TRAF7: variants seen among roughly 807,000 people sequenced by gnomAD.
The protein encoded by TRAF7 is E3 ubiquitin-protein ligase TRAF7.
In TRAF7, 45 loss-of-function variants were observed where a neutral mutation model predicts 89.3. The observed-to-expected ratio is 0.50, with a 90% CI of 0.40 to 0.65. TRAF7 has a LOEUF of 0.65. TRAF7 is among the 30% of genes least tolerant of loss of function. TRAF7 has a pLI of 0.00. For synonymous variants in TRAF7, 406 were observed against 369.2 expected, an observed-to-expected ratio of 1.10 and a Z score of -1.14; for missense variants, 677 against 918.1, an observed-to-expected ratio of 0.74 and a Z score of 3.39.
chr16:2,175,458 G>A lies in TRAF7; in HGVS notation c.1503+41G>A, dbSNP rs756726938. 2.2e-5 allele frequency: 35 copies of A among 1,612,170 alleles called. No homozygotes were observed. The Admixed American group carries it at 2.8e-4, about 13-fold the overall frequency. On this transcript the variant is annotated intron_variant, in intron 16 of 20. Transcript: ENST00000326181. ...GTGCCTACGTGTGTGTCACTGAGGC[G>A]TCCCTTGCCCGCCCAGCCCACAGTT...
intron 1 of TRAF7, 54 bp downstream of exon 1, chr16:2,155,912 G>A (rs2093031309): frequency 6.7e-6 from 1 of 150,166 alleles, no homozygotes; most frequent in African/African-American, 2.4e-5. Flanking sequence ...GGACCGCGCG[G>A]TGGGGCGGGA....
chr16:2,157,442 A>G (rs2093039769), intron 1 of TRAF7, among the ~76,000 whole-genome samples: 1 of 151,796 alleles, frequency 6.6e-6, no homozygotes, highest in African/African-American at 2.4e-5. Flanking sequence ...GGAAAAGTTC[A>G]GGGTCTTTGG....
intron 2 of TRAF7, among the ~76,000 whole-genome samples, chr16:2,164,717 G>A (rs35822): frequency 5.6e-4 from 74 of 132,346 alleles, no homozygotes; most frequent in East Asian, 4.7e-4. Flanking sequence ...TGCGTGGCGC[G>A]GCCTGGTCGC....
rs202166243 is a variant in TRAF7, at chr16:2,176,030, C to A, written c.1747-19C>A. On this transcript the variant is annotated intron_variant, in intron 18 of 20. Transcript: ENST00000326181. Reference sequence around the variant, plus strand: ...GCCTTGCTCAGTGTCTTTGACCTGCCTGTGCCCACCCCTCCCAGGTGTGGG... The same window carrying A: ...GCCTTGCTCAGTGTCTTTGACCTGCATGTGCCCACCCCTCCCAGGTGTGGG... 1 of 1,607,892 alleles carries A rather than the reference C, an allele frequency of 6.2e-7. No homozygotes were observed. Among genetic ancestry groups the A allele is most frequent in the East Asian group, 2.2e-5 (1 of 44,756 alleles).
At position 2,159,411 on chromosome 16, in the gene TRAF7, C is replaced by T. The variant is rs958898430; in HGVS notation, c.-39+3553C>T. 1.3e-5 allele frequency among the ~76,000 whole-genome samples: 2 copies of T among 152,186 alleles called. No homozygotes were observed. Among genetic ancestry groups the T allele is most frequent in the African/African-American group, 2.4e-5 (1 of 41,442 alleles). ...GAGGCCGGGGCACCCCAGGAGCCTT[C>T]GACGTCACACCCTGCCTATTTGGGA... On this transcript the variant is annotated intron_variant, in intron 1 of 20. Coordinates refer to ENST00000326181, the MANE Select transcript of TRAF7 (RefSeq NM_032271.3). The surrounding 1 kb of genome is among the most constrained non-coding windows in gnomAD (Gnocchi z 6.5).
chr16:2,177,971 G>A lies in TRAF7; in HGVS notation c.*1397G>A. 1.4e-5 allele frequency: 5 copies of A among 370,206 alleles called. No homozygotes were observed. Among genetic ancestry groups the A allele is most frequent in the South Asian group, 2.6e-5 (1 of 38,050 alleles). The allele number at this position is 370,206 out of a possible 1,614,324, so 22.9% of individuals were successfully genotyped here. On this transcript the variant is annotated 3_prime_UTR_variant, in exon 21 of 21. Coordinates refer to ENST00000326181, the MANE Select transcript of TRAF7 (RefSeq NM_032271.3). ...CCTGGGCCTCTAACAGCTTTTGTCC[G>A]GAGCTAGACTTCGTGTCCTTTCAGT... is the stretch of plus-strand genomic sequence containing the variant.
At position 2,165,830 on chromosome 16, in the gene TRAF7, C is replaced by G. The variant is rs745986144; in HGVS notation, c.82-49C>G. On this transcript the variant is annotated intron_variant, in intron 2 of 20. Transcript: ENST00000326181. ...GTGAGTGGGCTCCACATGTGCACGTCCTCCTTGTGTCCCGGAATGAGGCCA... is the reference window on the plus strand; with the variant it reads ...GTGAGTGGGCTCCACATGTGCACGTGCTCCTTGTGTCCCGGAATGAGGCCA... The G allele has an allele frequency of 4.3e-6, 7 of 1,611,354 alleles. No individual in the cohort carries two copies. The African/African-American group carries it at 9.3e-5, about 22-fold the overall frequency.
chr16:2,173,812 CGG>C lies in TRAF7; in HGVS notation c.1112_1113del (p.Arg371ProfsTer38). On this transcript the variant is annotated frameshift_variant, in exon 12 of 21. Coordinates refer to ENST00000326181, the MANE Select transcript of TRAF7 (RefSeq NM_032271.3). LOFTEE classifies it high-confidence loss of function. ...LNDELSHINARLNMGILGSYD... is the reference protein window; with the variant it reads ...LNDELSHINAXLNMGILGSYD... The stretch of plus-strand genomic sequence containing the variant: ...GGACGAGCTGTCCCACATCAACGCG[CGG>C]CTGAACATGGGCATCCTAGGCTGTG... The C allele has an allele frequency of 6.2e-7, 1 of 1,610,794 alleles. No individual in the cohort carries two copies.
At chr16:2,166,823 C>T (rs920445043) in intron 3 of TRAF7, among the ~76,000 whole-genome samples, 2 of 152,254 alleles carry the variant, frequency 1.3e-5, no homozygotes, top group Non-Finnish European at 2.9e-5. Context: ...ACGCAAGCGC[C>T]GTGCTCAGGG....
rs1189458189 is a variant in TRAF7 at position 2,168,311 on chromosome 16, G to A, written c.231+143G>A. ...GCACCTGTGGATACCCTGAGGCCTC[G>A]GCAGACATGGCAAGTCTGTGAGAAA... On this transcript the variant is annotated intron_variant, in intron 4 of 20. Transcript: ENST00000326181. This position sits in a 1 kb window ranked among gnomAD's most constrained non-coding sequence, Gnocchi z 4.1. The A allele has an allele frequency of 1.3e-5, 8 of 635,830 alleles. No homozygotes were observed. Among genetic ancestry groups the A allele is most frequent in the East Asian group, 3.0e-5 (1 of 33,240 alleles). The allele number at this position is 635,830 out of a possible 1,614,324, so 39.4% of individuals were successfully genotyped here.
Position 2,168,439 on chromosome 16 carries a change from C to T in TRAF7, c.231+271C>T. On this transcript the variant is annotated intron_variant, in intron 4 of 20. Transcript: ENST00000326181. This position sits in a 1 kb window ranked among gnomAD's most constrained non-coding sequence, Gnocchi z 4.1. Reference sequence around the variant, plus strand: ...AGGCCAGGATGAGGCATATTTGGCTCCATCTTAAGGGAGGTGGAAACCACA... The same window carrying T: ...AGGCCAGGATGAGGCATATTTGGCTTCATCTTAAGGGAGGTGGAAACCACA... 1 of 430,228 alleles carries T rather than the reference C, an allele frequency of 2.3e-6. No homozygotes were observed. Among genetic ancestry groups the T allele is most frequent in the South Asian group, 2.7e-5 (1 of 36,648 alleles). 26.7% of individuals were successfully genotyped at this position (430,228 alleles called of 1,614,324 possible). A position where few individuals can be genotyped will look rare whatever the true frequency, so the allele number is the denominator to read the frequency against.
In TRAF7 at chr16:2,173,359, G is replaced by A; in HGVS notation, c.972G>A (p.Glu324=). The A allele has an allele frequency of 6.2e-7, 1 of 1,613,624 alleles. No individual in the cohort carries two copies. The highest frequency in any genetic ancestry group is 8.5e-7 in the Non-Finnish European group (1 of 1,180,028). Residue 324 remains glutamate, a synonymous_variant, in exon 10 of 21, where the codon GAG becomes GAA. Coordinates refer to ENST00000326181, the MANE Select transcript of TRAF7 (RefSeq NM_032271.3). ...GCTCCATGCTGGGAAAGCTCTCGGA[G>A]AAGATCGACCAGCTAGAGAAGAGCC... ...FLRSMLGKLS[E]KIDQLEKSLE... is the part of the protein sequence containing the mutation.
rs1388444247 is a variant in TRAF7, at chr16:2,159,426, C to G, written c.-39+3568C>G. Among the ~76,000 whole-genome samples the G allele has an allele frequency of 6.6e-6, 1 of 152,206 alleles. No individual in the cohort carries two copies. The highest frequency in any genetic ancestry group is 1.5e-5 in the Non-Finnish European group (1 of 68,034). On this transcript the variant is annotated intron_variant, in intron 1 of 20. Coordinates refer to ENST00000326181, the MANE Select transcript of TRAF7 (RefSeq NM_032271.3). The surrounding 1 kb of genome is among the most constrained non-coding windows in gnomAD (Gnocchi z 6.5). ...CAGGAGCCTTCGACGTCACACCCTG[C>G]CTATTTGGGATGGAAAAAACGTTCT... is the stretch of plus-strand genomic sequence containing the variant.
In TRAF7 at chr16:2,176,352, C is replaced by A; in HGVS notation, c.1966C>A (p.Leu656Ile). The change falls in exon 20 of 21, where the codon CTC (leucine) becomes ATC (isoleucine). Residue 656 changes from leucine to isoleucine, a missense_variant. Around this residue, in one of 6 missense-constraint regions of TRAF7, gnomAD observed 23 missense variants for 31.7 expected, o/e 0.73. Transcript: ENST00000326181. ...CGCGCTGGCTGTGTCCCGGGGCCGA[C>A]TCTTCTCAGGGGCTGTGGATAGCAC... ...VTALAVSRGR[L>I]FSGAVDSTVK... 6.2e-7 allele frequency: 1 copy of A among 1,606,150 alleles called. No individual in the cohort carries two copies. The highest frequency in any genetic ancestry group is 8.5e-7 in the Non-Finnish European group (1 of 1,178,328).
chr16:2,165,942 C>T lies in TRAF7; in HGVS notation c.139+6C>T, dbSNP rs377419205. The T allele has an allele frequency of 7.1e-5, 114 of 1,613,954 alleles. No homozygotes were observed. The Middle Eastern group carries it at 8.2e-4, about 12-fold the overall frequency. ...CGTCACCACCATCACAAAAGGTGAGCCCTTAAGCCAAGGCCAGCCCAGGCT... is the reference window on the plus strand; with the variant it reads ...CGTCACCACCATCACAAAAGGTGAGTCCTTAAGCCAAGGCCAGCCCAGGCT... On this transcript the variant is annotated splice_donor_region_variant and intron_variant, in intron 3 of 20. Transcript: ENST00000326181.
intron 11 of TRAF7, 58 bp from the exon 12 acceptor site, chr16:2,173,730 G>A (rs1168927081): frequency 6.2e-6 from 10 of 1,602,214 alleles, no homozygotes; most frequent in Non-Finnish European, 8.5e-6. Flanking sequence ...CAGAGAGGCT[G>A]CACTGGCCCC....
intron 9 of TRAF7, 114 bp downstream of exon 9, chr16:2,172,713 C>G: frequency 2.3e-6 from 3 of 1,292,846 alleles, no homozygotes; most frequent in South Asian, 2.9e-5. Flanking sequence ...GGGGCCACAC[C>G]GGGGTCTGTA....
rs146166100 is a variant in TRAF7, at chr16:2,156,043, C to G, written c.-39+185C>G. Among the ~76,000 whole-genome samples, 257 of 152,080 alleles carry G rather than the reference C, an allele frequency of 1.7e-3. 4 individuals are homozygous for G. In the East Asian group the frequency reaches 0.04, roughly 24 times the overall value. ...CAGGGTCGGGGTCCGCGTCGCTGTCCGTCCGCCAGTCAGTAGTCCGTCCCT... is the reference window on the plus strand; with the variant it reads ...CAGGGTCGGGGTCCGCGTCGCTGTCGGTCCGCCAGTCAGTAGTCCGTCCCT... On this transcript the variant is annotated intron_variant, in intron 1 of 20. Coordinates refer to ENST00000326181, the MANE Select transcript of TRAF7 (RefSeq NM_032271.3).
In TRAF7 at chr16:2,176,113, C is replaced by T. The variant is rs2093134615; in HGVS notation, c.1811C>T (p.Ala604Val). ...ACGGGCCACGTGGGCACCGTGTATG[C>T]CCTGGCGGTCATCTCGACGCCAGAC... Reference protein sequence around the residue: ...TLTGHVGTVYALAVISTPDQT... With the variant: ...TLTGHVGTVYVLAVISTPDQT... Residue 604 changes from alanine (A) to valine (V), a missense_variant, in exon 19 of 21, where the codon GCC becomes GTC. Around this residue, in one of 6 missense-constraint regions of TRAF7, gnomAD observed 160 missense variants for 263.7 expected, o/e 0.61. Transcript: ENST00000326181. The T allele has an allele frequency of 1.9e-6, 3 of 1,611,146 alleles. No individual in the cohort carries two copies. The highest frequency in any genetic ancestry group is 1.3e-5 in the African/African-American group (1 of 74,924).
Sources: allele counts gnomAD v4.1 joint callset (sites outside exome capture counted in the v4.1 genomes callset), GRCh38; gene constraint gnomAD v4.1.1; regional missense constraint gnomAD v4.1.1; non-coding constraint Gnocchi (gnomAD v3.1); transcripts MANE v1.5; gene names NCBI Gene and HGNC (gene_info 2026-07-23, HGNC 2026-07-21).